The following PLPPR4 variants were observed in gnomAD, a reference collection of about 807,000 sequenced individuals.
PLPPR4 encodes the protein phospholipid phosphatase-related protein type 4.
In PLPPR4, 24 loss-of-function variants were observed where a neutral mutation model predicts 56.6. The observed-to-expected ratio is 0.42, with a 90% CI of 0.31 to 0.60. The LOEUF (loss-of-function observed/expected upper bound fraction) is 0.60. Among genes scored for constraint, PLPPR4 ranks in the 20% least tolerant of loss-of-function variants. PLPPR4 has a pLI of 0.13. For missense variants in PLPPR4, 654 were observed against 885.8 expected, an observed-to-expected ratio of 0.74 and a Z score of 3.32; for synonymous variants, 326 against 328.1, an observed-to-expected ratio of 0.99 and a Z score of 0.07.
Position 99,264,650 on chromosome 1 carries a change from G to C in PLPPR4, c.57G>C (p.Leu19=), listed in dbSNP as rs1425219120. 1 of 1,550,644 alleles carries C rather than the reference G, an allele frequency of 6.4e-7. No individual in the cohort carries two copies. Among genetic ancestry groups the C allele is most frequent in the Admixed American group, 2.0e-5 (1 of 51,008 alleles). ...GKVIKDSVTL[L]PCFYFVELPI... ...TGATCAAGGACAGCGTCACCCTCCT[G>C]CCCTGCTTTTATTTCGTCGAGGTGA... The change falls in exon 1 of 7, where the codon CTG becomes CTC. Residue 19 remains leucine (L), a synonymous_variant. Transcript: ENST00000370185.
At chr1:99,272,615 G>A (rs913877197) in intron 1 of PLPPR4, among the ~76,000 whole-genome samples, 8 of 152,040 alleles carry the variant, frequency 5.3e-5, no homozygotes, top group South Asian at 4.1e-4. Flanking sequence ...TGAAAAGCAC[G>A]GTAATAGCTA....
intron 2 of PLPPR4, 48 bp from the exon 3 acceptor site, chr1:99,296,690 A>G (rs1659750045): frequency 6.7e-7 from 1 of 1,490,230 alleles, no homozygotes; most frequent in Middle Eastern, 1.8e-4. Context: ...TGTTGGCTTA[A>G]TAGGTATTCC....
chr1:99,267,428 A>G (rs1658928453), intron 1 of PLPPR4, among the ~76,000 whole-genome samples: 2 of 152,208 alleles, frequency 1.3e-5, no homozygotes, highest in Non-Finnish European at 2.9e-5. Context: ...GCCAGATACT[A>G]CATGAATAAT....
intron 4 of PLPPR4, 136 bp downstream of exon 4, chr1:99,299,366 C>A: frequency 1.5e-6 from 1 of 672,116 alleles, no homozygotes; most frequent in Non-Finnish European, 2.5e-6. Context: ...ATGATCTCTT[C>A]AATTACTAAA....
At chr1:99,288,320 T>C (rs1054204054) in intron 2 of PLPPR4, among the ~76,000 whole-genome samples, 170 bp downstream of exon 2, 1 of 152,196 alleles carries the variant, frequency 6.6e-6, no homozygotes, top group African/African-American at 2.4e-5. Context: ...AGCTTAACAT[T>C]ATTGGCATTA....
chr1:99,268,780 G>A (rs1658974191), intron 1 of PLPPR4, among the ~76,000 whole-genome samples: 2 of 152,136 alleles, frequency 1.3e-5, no homozygotes, highest in Admixed American at 6.5e-5. Flanking sequence ...AGGATAAAGA[G>A]AAAAGCAGGT....
chr1:99,266,309 C>T (rs924813154), intron 1 of PLPPR4, among the ~76,000 whole-genome samples: 1 of 152,196 alleles, frequency 6.6e-6, no homozygotes, highest in African/African-American at 2.4e-5. Flanking sequence ...AAGGAACACA[C>T]CTGAGGTCAG....
intron 2 of PLPPR4, among the ~76,000 whole-genome samples, chr1:99,289,153 G>A (rs1016175502): frequency 6.6e-6 from 1 of 152,066 alleles, no homozygotes; most frequent in African/African-American, 2.4e-5. Flanking sequence ...TACTTCTACA[G>A]TGAAAAACTC....
At chr1:99,296,945 G>C in intron 3 of PLPPR4, 78 bp downstream of exon 3, 1 of 1,281,436 alleles carries the variant, frequency 7.8e-7, no homozygotes, top group Non-Finnish European at 1.0e-6. Context: ...TAGATATTAA[G>C]TCTCGTACGC....
rs1211448697 is a variant in PLPPR4, at chr1:99,305,946, A to T, written c.1084A>T (p.Met362Leu). Residue 362 changes from methionine to leucine, a missense_variant, in exon 7 of 7, where the codon ATG (methionine) becomes TTG (leucine). This residue lies in a region of PLPPR4 where 468 missense variants were observed against 554.3 expected (regional missense o/e 0.84). Transcript: ENST00000370185. ...ACGGAGCCCCATGGGGAAGGAGAACATGGTTACCTTCAGCAATACCTTGCC... is the reference window on the plus strand; with the variant it reads ...ACGGAGCCCCATGGGGAAGGAGAACTTGGTTACCTTCAGCAATACCTTGCC... The part of the protein sequence containing the change: ...TPRSPMGKEN[M>L]VTFSNTLPRA... 6.2e-7 allele frequency: 1 copy of T among 1,614,018 alleles called. No homozygotes were observed. The highest frequency in any genetic ancestry group is 8.5e-7 in the Non-Finnish European group (1 of 1,180,010).
At chr1:99,302,082 A>G (rs922334456) in intron 6 of PLPPR4, among the ~76,000 whole-genome samples, 185 bp downstream of exon 6, 1 of 152,090 alleles carries the variant, frequency 6.6e-6, no homozygotes. Context: ...AACTCTTACT[A>G]TGAGCCAGAA....
Position 99,290,259 on chromosome 1 carries a change from A to G in PLPPR4, c.264+2109A>G, listed in dbSNP as rs1570917222. Among the ~76,000 whole-genome samples the G allele has an allele frequency of 2.6e-5, 4 of 152,334 alleles. No individual in the cohort carries two copies. In the South Asian group the frequency reaches 8.3e-4, roughly 32 times the overall value. On this transcript the variant is annotated intron_variant, in intron 2 of 6. Coordinates refer to ENST00000370185, the MANE Select transcript of PLPPR4 (RefSeq NM_014839.5). Reference sequence around the variant, plus strand: ...AGAGAAGTGAAAGAGCTCTGCAAGGAGAACTACAAACTACTGCTCAAATAA... The same window carrying G: ...AGAGAAGTGAAAGAGCTCTGCAAGGGGAACTACAAACTACTGCTCAAATAA...
At position 99,288,031 on chromosome 1, in the gene PLPPR4, G is replaced by A; in HGVS notation, c.145G>A (p.Val49Met). ...CGAACTCACAGATGTCTTCAAACCT[G>A]TGCACTCTGGATTTAGCTGCTATGA... is the stretch of plus-strand genomic sequence containing the variant. Reference protein sequence around the residue: ...FLELTDVFKPVHSGFSCYDRS... With the variant: ...FLELTDVFKPMHSGFSCYDRS... The change falls in exon 2 of 7, where the codon GTG becomes ATG. Residue 49 changes from valine (V) to methionine (M), a missense_variant. By Grantham distance (21) the Val-to-Met change is conservative. Coordinates refer to ENST00000370185, the MANE Select transcript of PLPPR4 (RefSeq NM_014839.5). 6.2e-7 allele frequency: 1 copy of A among 1,613,834 alleles called. No homozygotes were observed.
At chr1:99,278,409 A>G (rs1296318735) in intron 1 of PLPPR4, among the ~76,000 whole-genome samples, 1 of 152,162 alleles carries the variant, frequency 6.6e-6, no homozygotes, top group Non-Finnish European at 1.5e-5. Context: ...AGTACTTTAA[A>G]TGGTACCTGT....
At position 99,307,907 on chromosome 1, in the gene PLPPR4, A is replaced by C. The variant is rs1660077206; in HGVS notation, c.*897A>C. ...TGGCTTCTCCTTAACTTATTGATTA[A>C]TTTTTTGAAGTTATAGATATGTTCT... On this transcript the variant is annotated 3_prime_UTR_variant, in exon 7 of 7. Coordinates refer to ENST00000370185, the MANE Select transcript of PLPPR4 (RefSeq NM_014839.5). 6.6e-6 allele frequency: 1 copy of C among 152,076 alleles called. No individual in the cohort carries two copies. Among genetic ancestry groups the C allele is most frequent in the South Asian group, 2.1e-4 (1 of 4,810 alleles). 9.4% of individuals were successfully genotyped at this position (152,076 alleles called of 1,614,324 possible). A position where few individuals can be genotyped will look rare whatever the true frequency, so the allele number is the denominator to read the frequency against.
At chr1:99,291,828 G>A (rs960214112) in intron 2 of PLPPR4, among the ~76,000 whole-genome samples, 1 of 151,886 alleles carries the variant, frequency 6.6e-6, no homozygotes, top group Non-Finnish European at 1.5e-5. Context: ...ATGGATATGG[G>A]GTGTAATACC....
Position 99,306,989 on chromosome 1 carries a change from C to G in PLPPR4, c.2127C>G (p.Pro709=), listed in dbSNP as rs375921120. 12 of 1,603,898 alleles carry G rather than the reference C, an allele frequency of 7.5e-6. No homozygotes were observed. Among genetic ancestry groups the G allele is most frequent in the South Asian group, 1.1e-5 (1 of 90,424 alleles). Reference sequence around the variant, plus strand: ...ATATCTTCTACAAAGGAACCTCCCCCACACGGGCTTATAAGGATTGAGTGA... The same window carrying G: ...ATATCTTCTACAAAGGAACCTCCCCGACACGGGCTTATAAGGATTGAGTGA... The part of the protein sequence containing the change: ...TRNIFYKGTS[P]TRAYKD The change falls in exon 7 of 7, where the codon CCC becomes CCG. Residue 709 remains proline (P), a synonymous_variant. Transcript: ENST00000370185. This position sits in a 1 kb window ranked among gnomAD's most constrained non-coding sequence, Gnocchi z 4.0.
At position 99,307,004 on chromosome 1, in the gene PLPPR4, G is replaced by A. The variant is rs568443164; in HGVS notation, c.2142G>A (p.Lys714=). ...YKGTSPTRAY[K]D is the part of the protein sequence containing the mutation. ...GAACCTCCCCCACACGGGCTTATAA[G>A]GATTGAGTGATGTCCATTCCATCAT... Residue 714 remains lysine (K), a synonymous_variant, in exon 7 of 7, where the codon AAG becomes AAA. Coordinates refer to ENST00000370185, the MANE Select transcript of PLPPR4 (RefSeq NM_014839.5). 20 of 1,591,840 alleles carry A rather than the reference G, an allele frequency of 1.3e-5. No individual in the cohort carries two copies. Among genetic ancestry groups the A allele is most frequent in the South Asian group, 2.2e-5 (2 of 89,134 alleles).
At chr1:99,292,722 A>T (rs712882) in intron 2 of PLPPR4, among the ~76,000 whole-genome samples, 68,433 of 151,918 alleles carry the variant, frequency 0.45, 15,639 homozygotes, top group East Asian at 0.56. Flanking sequence ...GACATCAAAC[A>T]CTTTGTCACA....
Sources: gnomAD v4.1 joint callset for allele counts (sites outside exome capture counted in the v4.1 genomes callset) on GRCh38, gnomAD v4.1.1 for gene constraint, gnomAD v4.1.1 regional missense constraint, Gnocchi (gnomAD v3.1) non-coding constraint, MANE v1.5 for transcripts, NCBI Gene and HGNC (gene_info 2026-07-23, HGNC 2026-07-21) for gene names.